The following SRFBP1 variants were observed in gnomAD, a reference collection of about 807,000 sequenced individuals.
SRFBP1 encodes serum response factor-binding protein 1.
Under a neutral mutation model 45.5 loss-of-function variants are expected in SRFBP1, and 47 were observed. That is an observed-to-expected ratio of 1.03 (90% CI 0.82 to 1.32). The LOEUF (loss-of-function observed/expected upper bound fraction) is 1.32. Among genes scored for constraint, SRFBP1 ranks in the 40% most tolerant of loss-of-function variants. The pLI, the probability that SRFBP1 is intolerant of heterozygous loss-of-function variation, is 0.00. For missense variants in SRFBP1, 621 were observed against 484.6 expected, an observed-to-expected ratio of 1.28 and a Z score of -2.64; for synonymous variants, 203 against 166.3, an observed-to-expected ratio of 1.22 and a Z score of -1.70.
intron 3 of SRFBP1, among the ~76,000 whole-genome samples, chr5:121,979,796 T>C (rs2112823782): frequency 6.6e-6 from 1 of 152,292 alleles, no homozygotes; most frequent in East Asian, 1.9e-4. Flanking sequence ...AGTCTGGTTA[T>C]TACCTCATAT....
In SRFBP1 at chr5:121,994,590, C is replaced by T. The variant is rs751087196; in HGVS notation, c.199-9C>T. The T allele has an allele frequency of 1.3e-6, 2 of 1,577,562 alleles. No individual in the cohort carries two copies. Among genetic ancestry groups the T allele is most frequent in the Non-Finnish European group, 8.6e-7 (1 of 1,159,726 alleles). On this transcript the variant is annotated splice_polypyrimidine_tract_variant and intron_variant, in intron 3 of 7. Transcript: ENST00000339397. Reference sequence around the variant, plus strand: ...ATAACTAAAATTAATTTGTTTTATTCTTTCACAGGAATTGAAACCTGACAT... The same window carrying T: ...ATAACTAAAATTAATTTGTTTTATTTTTTCACAGGAATTGAAACCTGACAT...
intron 2 of SRFBP1, chr5:122,065,246 A>T (rs909546559): frequency 4.6e-5 from 7 of 152,054 alleles, no homozygotes; most frequent in African/African-American, 1.7e-4. Flanking sequence ...AATGATTACT[A>T]GTAATTGATG....
chr5:122,025,538 C>G (rs1422664686), intron 7 of SRFBP1, among the ~76,000 whole-genome samples: 1 of 152,168 alleles, frequency 6.6e-6, no homozygotes, highest in Non-Finnish European at 1.5e-5. Context: ...AATCGCCACA[C>G]TGACTTCCAC....
intron 3 of SRFBP1, among the ~76,000 whole-genome samples, chr5:121,984,710 A>G (rs1193972407): frequency 6.6e-6 from 1 of 151,836 alleles, no homozygotes; most frequent in Non-Finnish European, 1.5e-5. Context: ...GGCATGAATG[A>G]ATGTTATTTA....
chr5:122,003,769 G>C (rs1474285196), intron 4 of SRFBP1, among the ~76,000 whole-genome samples: 1 of 152,160 alleles, frequency 6.6e-6, no homozygotes, highest in Non-Finnish European at 1.5e-5. Flanking sequence ...GGTTAGAGGT[G>C]ATATCTCGTT....
chr5:121,974,326 C>A lies in SRFBP1; in HGVS notation c.125+42C>A. 3 of 1,417,054 alleles carry A rather than the reference C, an allele frequency of 2.1e-6. No homozygotes were observed. The South Asian group carries it at 3.5e-5, about 17-fold the overall frequency. The allele number at this position is 1,417,054 out of a possible 1,614,324, so 87.8% of individuals were successfully genotyped here. On this transcript the variant is annotated intron_variant, in intron 2 of 7. Coordinates refer to ENST00000339397, the MANE Select transcript of SRFBP1 (RefSeq NM_152546.3). ...AATGATCTTGTGACTAATAAAATGT[C>A]AAAAGTTGTTTTTATTTGATACTTT...
At chr5:122,029,101 A>G (rs1465419104), downstream of SRFBP1, among the ~76,000 whole-genome samples, 1 of 151,880 alleles carries the variant, frequency 6.6e-6, no homozygotes, top group East Asian at 1.9e-4. Context: ...TGGCAACATC[A>G]TCTGGAGATA....
intron 4 of SRFBP1, among the ~76,000 whole-genome samples, chr5:122,008,479 G>GT (rs1753022860): frequency 6.6e-6 from 1 of 152,150 alleles, no homozygotes; most frequent in South Asian, 2.1e-4. Context: ...CACATGGAAA[G>GT]TATTTCTCTC....
chr5:122,071,359 G>T (rs1018685627), intron 2 of SRFBP1, among the ~76,000 whole-genome samples: 4 of 152,020 alleles, frequency 2.6e-5, no homozygotes, highest in Non-Finnish European at 5.9e-5. Context: ...TTGAGTTTAG[G>T]TAATCAAGGT....
At chr5:122,044,908 G>A (rs774751122) in intron 2 of SRFBP1, among the ~76,000 whole-genome samples, 4 of 152,020 alleles carry the variant, frequency 2.6e-5, no homozygotes, top group African/African-American at 7.2e-5. Flanking sequence ...ATTACTTTCA[G>A]TATCTTTGTC....
chr5:121,973,959 G>A (rs558962391), intron 1 of SRFBP1, among the ~76,000 whole-genome samples: 1 of 151,730 alleles, frequency 6.6e-6, no homozygotes. Flanking sequence ...GGGTAATACT[G>A]TGACTTTTTA....
Position 122,027,049 on chromosome 5 carries a change from G to A in SRFBP1, c.1213G>A (p.Glu405Lys). ...QLQLPLHPSW[E>K]ASRRRKEQQS... The stretch of plus-strand genomic sequence containing the variant: ...GCAGCTGCCTCTTCATCCTTCATGG[G>A]AAGCAAGCAGAAGGCGAAAAGAACA... Residue 405 changes from glutamate (E) to lysine (K), a missense_variant, in exon 8 of 8, where the codon GAA becomes AAA. Transcript: ENST00000339397. 6.2e-7 allele frequency: 1 copy of A among 1,612,656 alleles called. No individual in the cohort carries two copies. Among genetic ancestry groups the A allele is most frequent in the Non-Finnish European group, 8.5e-7 (1 of 1,179,564 alleles).
chr5:121,994,730 T>C, intron 4 of SRFBP1, 60 bp downstream of exon 4: 1 of 1,151,408 alleles, frequency 8.7e-7, no homozygotes, highest in Non-Finnish European at 1.2e-6. Flanking sequence ...ATTGCTTACT[T>C]TTTTCTTGAA....
At chr5:122,077,447 T>C, downstream of SRFBP1, 1 of 1,614,106 alleles carries the variant, frequency 6.2e-7, no homozygotes, top group Non-Finnish European at 8.5e-7. This position sits in a 1 kb window ranked among gnomAD's most constrained non-coding sequence, Gnocchi z 4.9. Flanking sequence ...ATAAGGGTTG[T>C]CGTCAGAGTA....
At chr5:122,056,387 T>C (rs1453928873) in intron 2 of SRFBP1, among the ~76,000 whole-genome samples, 1 of 152,198 alleles carries the variant, frequency 6.6e-6, no homozygotes, top group Non-Finnish European at 1.5e-5. Context: ...CCCTGATACA[T>C]TTGCAAGTAG....
At chr5:122,072,557 C>G (rs994134416) in intron 2 of SRFBP1, among the ~76,000 whole-genome samples, 4 of 152,022 alleles carry the variant, frequency 2.6e-5, no homozygotes, top group African/African-American at 9.7e-5. Context: ...TAGTTTTATG[C>G]TTGAATACAT....
intron 7 of SRFBP1, 21 bp from the exon 8 acceptor site, chr5:122,026,921 A>T: frequency 6.4e-7 from 1 of 1,563,778 alleles, no homozygotes; most frequent in Non-Finnish European, 8.7e-7. Context: ...AGTTATTATT[A>T]TTTTTGCTTT....
intron 5 of SRFBP1, 117 bp from the exon 6 acceptor site, chr5:122,019,971 A>G: frequency 1.6e-6 from 1 of 616,172 alleles, no homozygotes; most frequent in Non-Finnish European, 2.6e-6. Flanking sequence ...TGTATTTAAT[A>G]TCAATTCCAA....
chr5:121,995,080 C>G (rs956940503), intron 4 of SRFBP1, among the ~76,000 whole-genome samples: 7 of 151,482 alleles, frequency 4.6e-5, no homozygotes, highest in Non-Finnish European at 1.0e-4. Flanking sequence ...CTTTAACACC[C>G]CACTGTCAAC....
Sources: allele counts gnomAD v4.1 joint callset (sites outside exome capture counted in the v4.1 genomes callset), GRCh38; gene constraint gnomAD v4.1.1; non-coding constraint Gnocchi (gnomAD v3.1); transcripts MANE v1.5; gene names NCBI Gene and HGNC (gene_info 2026-07-23, HGNC 2026-07-21).